The following SVOPL variants were observed in gnomAD, a reference collection of about 807,000 sequenced individuals.
SVOPL encodes SVOP like.
A neutral mutation model predicts 61.0 loss-of-function variants in SVOPL; 60 were observed. The observed-to-expected ratio is 0.98, with a 90% CI of 0.80 to 1.22. SVOPL has a LOEUF of 1.22. SVOPL is among the 50% of genes most tolerant of loss of function. The pLI, the probability that SVOPL is intolerant of heterozygous loss-of-function variation, is 0.00. For missense variants in SVOPL, 662 were observed against 643.9 expected, an observed-to-expected ratio of 1.03 and a Z score of -0.30; for synonymous variants, 279 against 250.0, an observed-to-expected ratio of 1.12 and a Z score of -1.09.
intron 14 of SVOPL, among the ~76,000 whole-genome samples, chr7:138,603,236 G>A (rs1193669613): frequency 1.3e-5 from 2 of 152,132 alleles, no homozygotes; most frequent in African/African-American, 2.4e-5. Flanking sequence ...AAACAAGCAG[G>A]CTTCCAAATT....
At chr7:138,612,447 TAA>T (rs59229265) in intron 14 of SVOPL, among the ~76,000 whole-genome samples, 16 of 22,324 alleles carry the variant, frequency 7.2e-4, no homozygotes, top group African/African-American at 1.4e-3. Context: ...AAAAAAAAAA[TAA>T]AAAAAAAAAA....
At chr7:138,622,242 CTATCTATCTATGTATCTATCTATCTATG>C (rs1799687088) in intron 13 of SVOPL, among the ~76,000 whole-genome samples, 1 of 84,198 alleles carries the variant, frequency 1.2e-5, no homozygotes, top group Non-Finnish European at 2.5e-5. Flanking sequence ...ATGTATCTAT[CTATCTATCTATGTATCTATCTATCTATG>C]TATCTATCTA....
At chr7:138,651,057 A>C (rs1401156046) in intron 7 of SVOPL, among the ~76,000 whole-genome samples, 1 of 151,504 alleles carries the variant, frequency 6.6e-6, no homozygotes, top group Non-Finnish European at 1.5e-5. Context: ...AGGGATTGAG[A>C]GCACCTAAAG....
At chr7:138,691,127 A>G (rs1039339780) in intron 1 of SVOPL, among the ~76,000 whole-genome samples, 14 of 152,228 alleles carry the variant, frequency 9.2e-5, no homozygotes, top group Non-Finnish European at 2.1e-4. Flanking sequence ...TATGTCAATT[A>G]TATGTTTATT....
At chr7:138,602,441 C>CTATATATATATATATATATATATATATA (rs59400217) in intron 14 of SVOPL, among the ~76,000 whole-genome samples, 1 of 140,744 alleles carries the variant, frequency 7.1e-6, no homozygotes, top group African/African-American at 2.6e-5. Flanking sequence ...AAGGCAGTTG[C>CTATATATATATATATATATATATATATA]TATATATATA....
intron 7 of SVOPL, among the ~76,000 whole-genome samples, chr7:138,654,807 T>C (rs996456950): frequency 6.6e-6 from 1 of 150,910 alleles, no homozygotes; most frequent in African/African-American, 2.4e-5. Context: ...ATGGTCAACA[T>C]AGTGAGACCA....
chr7:138,624,330 C>T (rs968176015), intron 13 of SVOPL, among the ~76,000 whole-genome samples: 1 of 152,176 alleles, frequency 6.6e-6, no homozygotes, highest in Non-Finnish European at 1.5e-5. Flanking sequence ...TATGGATATA[C>T]TGATGAAGTC....
At chr7:138,614,687 C>A (rs751835734) in intron 14 of SVOPL, among the ~76,000 whole-genome samples, 1 of 152,088 alleles carries the variant, frequency 6.6e-6, no homozygotes, top group African/African-American at 2.4e-5. Context: ...TGGACCACCA[C>A]GCCCGGCTGG....
chr7:138,628,182 T>C lies in SVOPL; in HGVS notation c.1045A>G (p.Ile349Val). Residue 349 changes from isoleucine to valine, a missense_variant, in exon 11 of 16, where the codon ATC (isoleucine) becomes GTC (valine). Transcript: ENST00000674285. ...FAPSDYRTMI[I>V]STIGEIALNP... is the part of the protein sequence containing the mutation. ...CAAGCAATTTCACCGATGGTGCTGATGATCATGGTCCGATAGTCAGAGGGT... is the reference window on the plus strand; with the variant it reads ...CAAGCAATTTCACCGATGGTGCTGACGATCATGGTCCGATAGTCAGAGGGT... 3 of 1,614,150 alleles carry C rather than the reference T, an allele frequency of 1.9e-6. No individual in the cohort carries two copies. Among genetic ancestry groups the C allele is most frequent in the Non-Finnish European group, 2.5e-6 (3 of 1,180,030 alleles).
intron 14 of SVOPL, among the ~76,000 whole-genome samples, chr7:138,602,244 C>T (rs946297397): frequency 2.6e-5 from 4 of 152,086 alleles, no homozygotes; most frequent in East Asian, 1.9e-4. Context: ...TGGACAAAGG[C>T]GTGTTGTGCA....
chr7:138,639,939 T>TA (rs1490305013), intron 9 of SVOPL, among the ~76,000 whole-genome samples: 1 of 150,402 alleles, frequency 6.6e-6, no homozygotes, highest in East Asian at 2.0e-4. Flanking sequence ...CGGGGAGCGG[T>TA]AAAAAGGGGT....
At chr7:138,607,092 G>A (rs1338588233) in intron 14 of SVOPL, among the ~76,000 whole-genome samples, 1 of 151,526 alleles carries the variant, frequency 6.6e-6, no homozygotes, top group African/African-American at 2.4e-5. Flanking sequence ...GGTGCCATAA[G>A]AGCTCACAGC....
intron 14 of SVOPL, among the ~76,000 whole-genome samples, chr7:138,614,696 G>C (rs777576735): frequency 6.6e-6 from 1 of 151,992 alleles, no homozygotes; most frequent in Non-Finnish European, 1.5e-5. Flanking sequence ...ACGCCCGGCT[G>C]GCATTTGAAC....
At chr7:138,610,071 T>A (rs537902346) in intron 14 of SVOPL, among the ~76,000 whole-genome samples, 1 of 152,154 alleles carries the variant, frequency 6.6e-6, no homozygotes, top group Non-Finnish European at 1.5e-5. Context: ...CTGAAATAGT[T>A]GAGATGTTCA....
intron 14 of SVOPL, among the ~76,000 whole-genome samples, chr7:138,611,276 G>C (rs371819505): frequency 6.6e-6 from 1 of 152,114 alleles, no homozygotes; most frequent in Non-Finnish European, 1.5e-5. Flanking sequence ...TACTCGGGAC[G>C]CTGAGGCATG....
In SVOPL at chr7:138,614,152, A is replaced by G. The variant is rs946003401; in HGVS notation, c.1353+6894T>C. 1.1e-4 allele frequency among the ~76,000 whole-genome samples: 16 copies of G among 152,324 alleles called. 1 individual carries two copies. The highest frequency in any genetic ancestry group is 7.8e-4 in the Admixed American group (12 of 15,304). On this transcript the variant is annotated intron_variant, in intron 14 of 15. Coordinates refer to ENST00000674285, the MANE Select transcript of SVOPL (RefSeq NM_001139456.2). ...TTTGGTGCTCTAACTGCCAAACTACATAAGAAGTCCTCTAAAACTTGTAGA... is the reference window on the plus strand; with the variant it reads ...TTTGGTGCTCTAACTGCCAAACTACGTAAGAAGTCCTCTAAAACTTGTAGA...
chr7:138,599,194 A>G (rs1447193309), intron 14 of SVOPL, among the ~76,000 whole-genome samples: 1 of 152,014 alleles, frequency 6.6e-6, no homozygotes. Context: ...TCAAAAGACA[A>G]ATTACAACAA....
chr7:138,662,420 C>T, intron 5 of SVOPL: 1 of 985,432 alleles, frequency 1.0e-6, no homozygotes, highest in Non-Finnish European at 1.2e-6. Context: ...CTTGCTCCCT[C>T]CCAACCTACT....
intron 9 of SVOPL, among the ~76,000 whole-genome samples, chr7:138,640,255 G>C (rs1659801): frequency 0.17 from 25,160 of 151,270 alleles, 2,283 homozygotes; most frequent in African/African-American, 0.23. Flanking sequence ...TTTTGAGATG[G>C]AGTTTCGCTC....
Sources: gnomAD v4.1 joint callset for allele counts (sites outside exome capture counted in the v4.1 genomes callset) on GRCh38, gnomAD v4.1.1 for gene constraint, MANE v1.5 for transcripts, NCBI Gene and HGNC (gene_info 2026-07-23, HGNC 2026-07-21) for gene names.